Variants in MED13L observed in about 807,000 individuals in gnomAD.
The protein encoded by MED13L is mediator complex subunit 13L.
In MED13L, 7 loss-of-function variants were observed where a neutral mutation model predicts 220.9. The observed-to-expected ratio is 0.03, with a 90% CI of 0.02 to 0.06. The LOEUF is 0.06. MED13L is among the 10% of genes least tolerant of loss of function. The pLI is 1.00. For missense variants in MED13L, 1,965 were observed against 2,760.5 expected, an observed-to-expected ratio of 0.71 and a Z score of 6.46; for synonymous variants, 1,011 against 1,015.2, an observed-to-expected ratio of 1.00 and a Z score of 0.08.
At chr12:116,198,748 C>CAGTTAA (rs3043761) in intron 2 of MED13L, among the ~76,000 whole-genome samples, 144,300 of 152,044 alleles carry the variant, frequency 0.95, 68,577 homozygotes, top group East Asian at 1. Flanking sequence ...ATTCCTCTTA[C>CAGTTAA]AGATCTTATG....
intron 6 of MED13L, 126 bp downstream of exon 6, chr12:116,019,652 G>T (rs1002257801): frequency 2.3e-5 from 28 of 1,207,158 alleles, no homozygotes; most frequent in Non-Finnish European, 3.2e-5. Flanking sequence ...ACATACCATT[G>T]TGTCAAGAGA....
At chr12:116,232,690 G>A (rs1869678861) in intron 2 of MED13L, among the ~76,000 whole-genome samples, 1 of 152,200 alleles carries the variant, frequency 6.6e-6, no homozygotes, top group Admixed American at 6.5e-5. Context: ...GCAATTGGCA[G>A]TTCTGTGCTT....
chr12:115,990,769 A>G (rs1420746869), intron 17 of MED13L, among the ~76,000 whole-genome samples: 2 of 152,156 alleles, frequency 1.3e-5, no homozygotes, highest in Non-Finnish European at 2.9e-5. Context: ...CCCAACATAG[A>G]CTGCTTACTT....
intron 23 of MED13L, among the ~76,000 whole-genome samples, chr12:115,976,116 C>T (rs954553520): frequency 1.3e-5 from 2 of 152,078 alleles, no homozygotes; most frequent in African/African-American, 4.8e-5. Flanking sequence ...TATGGAGCAA[C>T]AAGAATTTTT....
At chr12:116,007,349 ATGT>A in intron 11 of MED13L, 59 bp downstream of exon 11, 1 of 1,469,554 alleles carries the variant, frequency 6.8e-7, no homozygotes, top group Non-Finnish European at 9.5e-7. Context: ...CTTCCCACAC[ATGT>A]TGTACTGACA....
At position 115,984,974 on chromosome 12, in the gene MED13L, T is replaced by C. The variant is rs940684527; in HGVS notation, c.4339-602A>G. 3.3e-5 allele frequency among the ~76,000 whole-genome samples: 5 copies of C among 152,084 alleles called. No homozygotes were observed. The South Asian group carries it at 6.2e-4, about 19-fold the overall frequency. ...TATAATAAACCTGCAAAAAGTAAAC[T>C]ACCTGTTCACCAGCAGGAGAGCCCG... On this transcript the variant is annotated intron_variant, in intron 19 of 30. Transcript: ENST00000281928.
Position 116,023,312 on chromosome 12 carries a change from C to T in MED13L, c.480-711G>A, listed in dbSNP as rs114613351. ...CCCCTGTCTCAAAAAAAGTGGCTTA[C>T]GAACAAGATCAGAAGGCAACCCCTC... is the stretch of plus-strand genomic sequence containing the variant. On this transcript the variant is annotated intron_variant, in intron 4 of 30. Coordinates refer to ENST00000281928, the MANE Select transcript of MED13L (RefSeq NM_015335.5). Among the ~76,000 whole-genome samples, 845 of 152,142 alleles carry T rather than the reference C, an allele frequency of 5.6e-3. 8 individuals are homozygous for T. The highest frequency in any genetic ancestry group is 0.019 in the African/African-American group (779 of 41,510).
intron 2 of MED13L, among the ~76,000 whole-genome samples, chr12:116,157,140 T>G (rs1051473412): frequency 7.9e-5 from 12 of 152,096 alleles, no homozygotes; most frequent in African/African-American, 2.9e-4. Context: ...TCAAAAAACT[T>G]TTTCATCTTT....
At chr12:116,236,316 C>A (rs892140791) in intron 2 of MED13L, among the ~76,000 whole-genome samples, 4 of 151,728 alleles carry the variant, frequency 2.6e-5, no homozygotes, top group African/African-American at 9.7e-5. Flanking sequence ...ATAAAGTAAA[C>A]AGTTCAATTA....
chr12:116,244,623 A>T (rs906148783), intron 1 of MED13L, among the ~76,000 whole-genome samples: 1 of 152,174 alleles, frequency 6.6e-6, no homozygotes, highest in Admixed American at 6.5e-5. Context: ...GGCAGAGAGG[A>T]GATTAAATAA....
chr12:116,015,367 A>G, intron 7 of MED13L, 93 bp from the exon 8 acceptor site: 2 of 1,377,498 alleles, frequency 1.5e-6, no homozygotes, highest in South Asian at 2.3e-5. Context: ...ATGCATTTTA[A>G]TTGTTGAAAG....
intron 4 of MED13L, among the ~76,000 whole-genome samples, chr12:116,038,742 G>GT (rs1881338244): frequency 1.2e-4 from 3 of 24,346 alleles, no homozygotes; most frequent in Non-Finnish European, 2.5e-4. Flanking sequence ...CGGTCAAAAG[G>GT]CCAAAAAAAA....
At chr12:116,043,829 T>C (rs561971164) in intron 4 of MED13L, among the ~76,000 whole-genome samples, 2 of 152,298 alleles carry the variant, frequency 1.3e-5, no homozygotes, top group South Asian at 4.1e-4. Context: ...GGAAAAGTAA[T>C]AGAAAGGCAT....
At chr12:116,256,415 G>C (rs1168331448) in intron 1 of MED13L, among the ~76,000 whole-genome samples, 1 of 152,034 alleles carries the variant, frequency 6.6e-6, no homozygotes, top group African/African-American at 2.4e-5. Flanking sequence ...CAGCAGATTG[G>C]TAGTTGCCTG....
intron 4 of MED13L, among the ~76,000 whole-genome samples, chr12:116,082,963 C>T (rs1056597106): frequency 2.3e-4 from 35 of 152,220 alleles, no homozygotes; most frequent in Middle Eastern, 3.4e-3. Flanking sequence ...CACTACTATC[C>T]CTAAATTAGG....
chr12:116,153,912 T>A (rs1878242845), intron 2 of MED13L, among the ~76,000 whole-genome samples: 1 of 152,096 alleles, frequency 6.6e-6, no homozygotes, highest in South Asian at 2.1e-4. Context: ...ACTCCTTCAT[T>A]AAAAACAGAA....
At chr12:116,070,027 T>A (rs796529013) in intron 4 of MED13L, among the ~76,000 whole-genome samples, 3 of 152,294 alleles carry the variant, frequency 2.0e-5, no homozygotes, top group East Asian at 1.9e-4. Context: ...TTTTAAAAAA[T>A]TTTTAATGAA....
chr12:116,170,816 G>T (rs1350250060), intron 2 of MED13L, among the ~76,000 whole-genome samples: 1 of 152,008 alleles, frequency 6.6e-6, no homozygotes, highest in African/African-American at 2.4e-5. Context: ...AGCCAGGATG[G>T]TCTCGAACTC....
intron 2 of MED13L, among the ~76,000 whole-genome samples, chr12:116,119,519 C>T (rs1874812758): frequency 6.6e-6 from 1 of 151,992 alleles, no homozygotes; most frequent in South Asian, 2.1e-4. Flanking sequence ...ACAGTTGATT[C>T]TAATCTCCAT....
Sources: allele counts gnomAD v4.1 joint callset (sites outside exome capture counted in the v4.1 genomes callset), GRCh38; gene constraint gnomAD v4.1.1; transcripts MANE v1.5; gene names NCBI Gene and HGNC (gene_info 2026-07-23, HGNC 2026-07-21).